ARHGEF9: variants seen among roughly 807,000 people sequenced by gnomAD.
The protein encoded by ARHGEF9 is Cdc42 guanine nucleotide exchange factor 9.
A neutral mutation model predicts 41.3 loss-of-function variants in ARHGEF9; 2 were observed. The ratio of observed to expected loss-of-function variants is 0.05; its 90% CI spans 0.02 to 0.15. The LOEUF is 0.15. Ranked by LOEUF, ARHGEF9 falls within the 10% of genes least tolerant of loss-of-function variation. The probability of loss-of-function intolerance (pLI) is 1.00; values close to 1 mark genes in which losing one functional copy is unlikely to be tolerated. For synonymous variants in ARHGEF9, 160 were observed against 154.4 expected (o/e 1.04, Z -0.27); for missense variants, 225 against 424.7 (o/e 0.53, Z 4.13).
chrX:63,754,431 C>T, intron 1 of ARHGEF9: 1 of 1,162,952 alleles, frequency 8.6e-7, no homozygotes, highest in African/African-American at 1.9e-5. Flanking sequence ...CTCGGTGGCT[C>T]TCGGGATGAA....
At chrX:63,676,083 A>G (rs2050246083) in intron 5 of ARHGEF9, among the ~76,000 whole-genome samples, 1 of 112,063 alleles carries the variant, frequency 8.9e-6, no homozygotes, top group Non-Finnish European at 1.9e-5. Flanking sequence ...GGACCAAAGA[A>G]AGGCAGAGGA....
chrX:63,745,491 G>T (rs1352577509), intron 1 of ARHGEF9, among the ~76,000 whole-genome samples: 1 of 111,401 alleles, frequency 9.0e-6, no homozygotes, highest in Non-Finnish European at 1.9e-5. Context: ...ACCTGAAAGA[G>T]CATTCAGGTC....
intron 1 of ARHGEF9, among the ~76,000 whole-genome samples, chrX:63,730,301 T>A (rs2054205928): frequency 8.9e-6 from 1 of 112,608 alleles, no homozygotes; most frequent in Non-Finnish European, 1.9e-5. Flanking sequence ...AATGTAAGCA[T>A]TAACATCTCC....
chrX:63,756,492 TAAA>T (rs2055932384), intron 1 of ARHGEF9, among the ~76,000 whole-genome samples: 1 of 112,269 alleles, frequency 8.9e-6, no homozygotes, highest in South Asian at 3.7e-4. Context: ...TATTTAACCA[TAAA>T]AAGGAATGAA....
intron 1 of ARHGEF9, among the ~76,000 whole-genome samples, chrX:63,776,269 G>T (rs1382703514): frequency 1.8e-5 from 2 of 111,138 alleles, no homozygotes; most frequent in Admixed American, 9.5e-5. Context: ...AGAGCCAGGA[G>T]TCTGCAAACC....
chrX:63,749,388 G>A (rs781841541), intron 1 of ARHGEF9, among the ~76,000 whole-genome samples: 2 of 111,168 alleles, frequency 1.8e-5, no homozygotes, highest in African/African-American at 6.6e-5. Flanking sequence ...GTGCCACCAC[G>A]CCCGGCTAAT....
intron 7 of ARHGEF9, among the ~76,000 whole-genome samples, chrX:63,662,908 C>G (rs1398036083): frequency 1.8e-5 from 2 of 111,952 alleles, no homozygotes; most frequent in Non-Finnish European, 3.8e-5. Flanking sequence ...CTCCTGGAAC[C>G]CATAATTCTG....
At chrX:63,724,320 G>A (rs200970699) in intron 2 of ARHGEF9, among the ~76,000 whole-genome samples, 1 of 110,892 alleles carries the variant, frequency 9.0e-6, no homozygotes, top group African/African-American at 3.3e-5. Context: ...GGGCGGGGGT[G>A]TTAAACAAGA....
chrX:63,739,944 G>A (rs1381748903), intron 1 of ARHGEF9, among the ~76,000 whole-genome samples: 1 of 111,782 alleles, frequency 8.9e-6, no homozygotes, highest in East Asian at 2.8e-4. Flanking sequence ...GCAGCAGGGG[G>A]AAACTTGAAC....
At chrX:63,736,034 T>G (rs1490799960) in intron 1 of ARHGEF9, among the ~76,000 whole-genome samples, 1 of 111,978 alleles carries the variant, frequency 8.9e-6, no homozygotes, top group Non-Finnish European at 1.9e-5. Flanking sequence ...AGCCCAGTCC[T>G]GGATGAGGAA....
intron 1 of ARHGEF9, 132 bp from the exon 2 acceptor site, chrX:63,724,843 G>T: frequency 1.6e-6 from 1 of 621,364 alleles, no homozygotes; most frequent in Non-Finnish European, 2.6e-6. Context: ...TGAGGGGGAT[G>T]GCACTGGAAC....
At chrX:63,720,381 C>G (rs2053570197) in intron 2 of ARHGEF9, among the ~76,000 whole-genome samples, 1 of 111,717 alleles carries the variant, frequency 9.0e-6, no homozygotes, top group Non-Finnish European at 1.9e-5. Flanking sequence ...ACAACCACAG[C>G]CCTCAACAAT....
At chrX:63,784,296 A>C (rs1395426565) in intron 1 of ARHGEF9, among the ~76,000 whole-genome samples, 2 of 112,610 alleles carry the variant, frequency 1.8e-5, no homozygotes, top group Admixed American at 1.9e-4. Context: ...AGGCATCAAA[A>C]TGCAGCCACC....
intron 7 of ARHGEF9, among the ~76,000 whole-genome samples, chrX:63,658,415 G>A (rs1489720667): frequency 8.9e-6 from 1 of 112,051 alleles, no homozygotes; most frequent in East Asian, 2.8e-4. Flanking sequence ...AAAAGAAAGA[G>A]CATGATGTAG....
chrX:63,714,463 T>C (rs2053162048), intron 2 of ARHGEF9, among the ~76,000 whole-genome samples: 1 of 112,006 alleles, frequency 8.9e-6, no homozygotes, highest in Non-Finnish European at 1.9e-5. Context: ...GCAGTCAGGA[T>C]TGAAGCAAAG....
chrX:63,643,545 C>T (rs1169166065), intron 9 of ARHGEF9, among the ~76,000 whole-genome samples: 5 of 110,016 alleles, frequency 4.5e-5, no homozygotes, highest in East Asian at 2.8e-4. Flanking sequence ...CGGGGTTTCA[C>T]CAAGTTGGCC....
intron 2 of ARHGEF9, among the ~76,000 whole-genome samples, chrX:63,712,703 A>AT (rs2053022030): frequency 1.8e-5 from 2 of 111,963 alleles, no homozygotes; most frequent in Non-Finnish European, 3.8e-5. Context: ...GGTAAATTTT[A>AT]TGGTATGGAA....
chrX:63,767,844 C>G (rs782355529), intron 1 of ARHGEF9, among the ~76,000 whole-genome samples: 1 of 112,255 alleles, frequency 8.9e-6, no homozygotes, highest in Non-Finnish European at 1.9e-5. Context: ...TATGGTGTTA[C>G]ACACCTGGTT....
chrX:63,768,112 G>GT (rs782715989), intron 1 of ARHGEF9, among the ~76,000 whole-genome samples: 119 of 111,890 alleles, frequency 1.1e-3, no homozygotes, highest in African/African-American at 3.5e-3. Context: ...CCAATATGTA[G>GT]TTTTTTATTT....
Sources: gnomAD v4.1 joint callset for allele counts (sites outside exome capture counted in the v4.1 genomes callset) on GRCh38, gnomAD v4.1.1 for gene constraint, MANE v1.5 for transcripts, NCBI Gene and HGNC (gene_info 2026-07-23, HGNC 2026-07-21) for gene names.